FAF1: variants seen among roughly 807,000 people sequenced by gnomAD.
FAF1 encodes the protein FAS-associated factor 1.
A neutral mutation model predicts 92.5 loss-of-function variants in FAF1; 25 were observed. The ratio of observed to expected loss-of-function variants is 0.27; its 90% confidence interval spans 0.20 to 0.38. FAF1 has a LOEUF of 0.38. Among genes scored for constraint, FAF1 ranks in the 10% least tolerant of loss-of-function variants. FAF1 has a pLI of 1.00. For synonymous variants in FAF1, 234 were observed against 273.2 expected (o/e 0.86, Z 1.42); for missense variants, 636 against 793.3 (o/e 0.80, Z 2.38).
intron 3 of FAF1, 39 bp from the exon 4 acceptor site, chr1:50,788,244 A>C (rs1661435068): frequency 6.5e-7 from 1 of 1,546,600 alleles, no homozygotes; most frequent in African/African-American, 1.4e-5. Context: ...TTGTCAACTA[A>C]ATCATTACAG....
intron 4 of FAF1, among the ~76,000 whole-genome samples, chr1:50,758,644 T>C (rs948019310): frequency 3.3e-5 from 5 of 152,184 alleles, no homozygotes; most frequent in Non-Finnish European, 7.4e-5. Flanking sequence ...TTCCATCTGT[T>C]ATCGTTTTCT....
intron 7 of FAF1, among the ~76,000 whole-genome samples, chr1:50,697,156 C>G (rs1407293402): frequency 6.6e-6 from 1 of 152,124 alleles, no homozygotes; most frequent in East Asian, 1.9e-4. Flanking sequence ...AAGATTTCCG[C>G]AAACAATTTT....
intron 2 of FAF1, among the ~76,000 whole-genome samples, chr1:50,846,071 C>G (rs1044141802): frequency 6.6e-6 from 1 of 151,874 alleles, no homozygotes; most frequent in Non-Finnish European, 1.5e-5. Flanking sequence ...TTGCAGTGAG[C>G]CAAGATTGTG....
chr1:50,777,160 C>T (rs1455696215), intron 4 of FAF1, among the ~76,000 whole-genome samples: 1 of 151,602 alleles, frequency 6.6e-6, no homozygotes, highest in African/African-American at 2.4e-5. Context: ...ACCTGTAATC[C>T]CAGTCCTTTA....
intron 1 of FAF1, among the ~76,000 whole-genome samples, chr1:50,916,615 T>C (rs1427873525): frequency 6.6e-6 from 1 of 152,112 alleles, no homozygotes; most frequent in Non-Finnish European, 1.5e-5. Flanking sequence ...TAATTTCCCA[T>C]ATGACATACT....
At chr1:50,615,082 T>C (rs1652850856) in intron 8 of FAF1, among the ~76,000 whole-genome samples, 1 of 152,136 alleles carries the variant, frequency 6.6e-6, no homozygotes. Flanking sequence ...GTTCCCATGT[T>C]TATGCCCATG....
At chr1:50,502,808 T>G (rs1356746171) in intron 15 of FAF1, among the ~76,000 whole-genome samples, 3 of 152,198 alleles carry the variant, frequency 2.0e-5, no homozygotes, top group Non-Finnish European at 4.4e-5. Flanking sequence ...TATTTTGCTG[T>G]GTTTTTAAAC....
chr1:50,711,665 C>G (rs1273676544), intron 6 of FAF1, among the ~76,000 whole-genome samples: 1 of 151,930 alleles, frequency 6.6e-6, no homozygotes, highest in South Asian at 2.1e-4. Flanking sequence ...CAAGGTTTTA[C>G]TATATTGGTC....
At chr1:50,920,456 G>A (rs568257268) in intron 1 of FAF1, among the ~76,000 whole-genome samples, 14 of 152,276 alleles carry the variant, frequency 9.2e-5, no homozygotes, top group Middle Eastern at 3.4e-3. Context: ...TCACTGATAC[G>A]TGGCAGATGC....
At chr1:50,678,071 C>G (rs1365777097) in intron 7 of FAF1, among the ~76,000 whole-genome samples, 1 of 152,128 alleles carries the variant, frequency 6.6e-6, no homozygotes, top group East Asian at 1.9e-4. Context: ...TCCATATATG[C>G]TTGGCACTGA....
intron 1 of FAF1, among the ~76,000 whole-genome samples, chr1:50,948,899 TA>T (rs1482982867): frequency 4.6e-5 from 7 of 152,138 alleles, no homozygotes; most frequent in Non-Finnish European, 7.3e-5. Context: ...GGGATGGTGC[TA>T]AGCCATTTAT....
At chr1:50,652,191 T>G (rs1249806201) in intron 8 of FAF1, among the ~76,000 whole-genome samples, 1 of 152,222 alleles carries the variant, frequency 6.6e-6, no homozygotes, top group Non-Finnish European at 1.5e-5. Flanking sequence ...TTGCTGTGAC[T>G]TAAGAGCACC....
At chr1:50,872,152 C>A (rs570987120) in intron 1 of FAF1, among the ~76,000 whole-genome samples, 1 of 151,650 alleles carries the variant, frequency 6.6e-6, no homozygotes, top group Admixed American at 6.6e-5. Flanking sequence ...TGGATCTGGG[C>A]AAAGTACACT....
At chr1:50,512,701 T>C (rs1031883212) in intron 15 of FAF1, among the ~76,000 whole-genome samples, 3 of 152,216 alleles carry the variant, frequency 2.0e-5, no homozygotes, top group Non-Finnish European at 4.4e-5. Context: ...TTGCTTAGGA[T>C]TGTCTTGGCT....
At chr1:50,680,421 G>A (rs941841338) in intron 7 of FAF1, among the ~76,000 whole-genome samples, 2 of 152,098 alleles carry the variant, frequency 1.3e-5, no homozygotes, top group South Asian at 2.1e-4. Flanking sequence ...AGTGGTTCAC[G>A]CCTGTAATCC....
At chr1:50,907,284 G>C (rs1286971962) in intron 1 of FAF1, among the ~76,000 whole-genome samples, 1 of 152,194 alleles carries the variant, frequency 6.6e-6, no homozygotes, top group East Asian at 1.9e-4. Flanking sequence ...TGCTTTGCCA[G>C]TATTTTATTG....
chr1:50,905,482 C>CTAGT (rs1401394709), intron 1 of FAF1, among the ~76,000 whole-genome samples: 2 of 152,218 alleles, frequency 1.3e-5, no homozygotes, highest in African/African-American at 4.8e-5. Context: ...AATGGTTGAA[C>CTAGT]TAGTTTACAG....
intron 1 of FAF1, among the ~76,000 whole-genome samples, chr1:50,918,286 C>T (rs1644936306): frequency 8.0e-6 from 1 of 125,758 alleles, no homozygotes; most frequent in Non-Finnish European, 1.7e-5. Flanking sequence ...TGGTGTGCTG[C>T]ACCCACTAAC....
At chr1:50,779,991 GACACACACACACACAC>G (rs57528056) in intron 4 of FAF1, among the ~76,000 whole-genome samples, 1 of 145,440 alleles carries the variant, frequency 6.9e-6, no homozygotes, top group Non-Finnish European at 1.5e-5. Flanking sequence ...CAGACAGACA[GACACACACACACACAC>G]ACACACACAC....
Sources: gnomAD v4.1 joint callset for allele counts (sites outside exome capture counted in the v4.1 genomes callset) on GRCh38, gnomAD v4.1.1 for gene constraint, MANE v1.5 for transcripts, NCBI Gene and HGNC (gene_info 2026-07-23, HGNC 2026-07-21) for gene names.